The following S1PR5 variants were observed in gnomAD, a reference collection of about 807,000 sequenced individuals.
S1PR5 encodes the protein sphingosine-1-phosphate receptor 5.
For synonymous variants in S1PR5, 307 were observed against 284.7 expected (o/e 1.08, Z -0.79); for missense variants, 583 against 571.7 (o/e 1.02, Z -0.20).
In S1PR5 at chr19:10,513,844, T is replaced by A. The variant is rs777250449; in HGVS notation, c.1168A>T (p.Thr390Ser). The A allele has an allele frequency of 6.2e-7, 1 of 1,612,396 alleles. No individual in the cohort carries two copies. Among genetic ancestry groups the A allele is most frequent in the African/African-American group, 1.3e-5 (1 of 74,780 alleles). ...GSPGAPTAARTLVSEPAAD is the reference protein window; with the variant it reads ...GSPGAPTAARSLVSEPAAD ...TCTGCAGCCGGTTCTGATACCAGAGTCCGGGCGGCTGTGGGTGCACCGGGG... is the reference window on the plus strand; with the variant it reads ...TCTGCAGCCGGTTCTGATACCAGAGACCGGGCGGCTGTGGGTGCACCGGGG... Residue 390 changes from threonine to serine, a missense_variant, in exon 2 of 2, where the codon ACT becomes TCT. Physicochemically the swap from Thr to Ser is moderately conservative, Grantham distance 58 (BLOSUM62 1). Coordinates refer to ENST00000333430, the MANE Select transcript of S1PR5 (RefSeq NM_030760.5).
chr19:10,515,624 C>G (rs1915421082), intron 1 of S1PR5, among the ~76,000 whole-genome samples: 1 of 151,938 alleles, frequency 6.6e-6, no homozygotes, highest in Admixed American at 6.6e-5. Flanking sequence ...AAACACCCCC[C>G]CTCCCCACCA....
intron 1 of S1PR5, 149 bp from the exon 2 acceptor site, chr19:10,515,178 G>C (rs554014297): frequency 9.8e-7 from 1 of 1,018,440 alleles, no homozygotes; most frequent in African/African-American, 1.6e-5. Context: ...GAGGGATAGA[G>C]TCCGTGGAGA....
chr19:10,513,899 G>T lies in S1PR5; in HGVS notation c.1113C>A (p.Asp371Glu), dbSNP rs1414666740. ...CTGTGGAGCCGCTGGTGTCCAGCCCGTCGCGCTGGGGCGATGAGCGCTCCG... is the reference window on the plus strand; with the variant it reads ...CTGTGGAGCCGCTGGTGTCCAGCCCTTCGCGCTGGGGCGATGAGCGCTCCG... Reference protein sequence around the residue: ...SGSERSSPQRDGLDTSGSTGS... With the variant: ...SGSERSSPQREGLDTSGSTGS... The change falls in exon 2 of 2, where the codon GAC becomes GAA. Residue 371 changes from aspartate (D) to glutamate (E), a missense_variant. Asp to Glu is a conservative substitution (Grantham distance 45, BLOSUM62 2). Transcript: ENST00000333430. 7 of 1,610,150 alleles carry T rather than the reference G, an allele frequency of 4.3e-6. No individual in the cohort carries two copies. The highest frequency in any genetic ancestry group is 5.9e-6 in the Non-Finnish European group (7 of 1,179,194).
upstream of S1PR5, chr19:10,517,715 A>T (rs1377882534): frequency 2.0e-6 from 2 of 985,478 alleles, no homozygotes; most frequent in Non-Finnish European, 2.4e-6. Context: ...GAGGCGGGAA[A>T]GGGAGGGTTC....
chr19:10,514,145 A>T lies in S1PR5; in HGVS notation c.867T>A (p.Asp289Glu). 1 of 1,612,938 alleles carries T rather than the reference A, an allele frequency of 6.2e-7. No individual in the cohort carries two copies. The highest frequency in any genetic ancestry group is 8.5e-7 in the Non-Finnish European group (1 of 1,179,810). ...ARTCPVLLQA[D>E]PFLGLAMANS... ...TGGCCATGGCCAGTCCCAGGAAGGG[A>T]TCGGCCTGCAGGAGTACAGGACAGG... The change falls in exon 2 of 2, where the codon GAT (aspartate) becomes GAA (glutamate). Residue 289 changes from aspartate to glutamate, a missense_variant. Coordinates refer to ENST00000333430, the MANE Select transcript of S1PR5 (RefSeq NM_030760.5).
chr19:10,514,350 G>T lies in S1PR5; in HGVS notation c.662C>A (p.Ala221Asp). ...LYARIYCQVR[A>D]NARRLPARPG... ...CCGTGCCGGCAGGCGCCGCGCGTTGGCGCGTACCTGGCAGTAGATGCGCGC... is the reference window on the plus strand; with the variant it reads ...CCGTGCCGGCAGGCGCCGCGCGTTGTCGCGTACCTGGCAGTAGATGCGCGC... Residue 221 changes from alanine to aspartate, a missense_variant, in exon 2 of 2, where the codon GCC becomes GAC. By Grantham distance (126) the Ala-to-Asp change is moderately radical (BLOSUM62 -2). Transcript: ENST00000333430. 2.5e-6 allele frequency: 4 copies of T among 1,571,488 alleles called. No individual in the cohort carries two copies. The highest frequency in any genetic ancestry group is 3.4e-6 in the Non-Finnish European group (4 of 1,160,328).
At position 10,514,754 on chromosome 19, in the gene S1PR5, G is replaced by T. The variant is rs747852693; in HGVS notation, c.258C>A (p.Gly86=). 3 of 1,611,890 alleles carry T rather than the reference G, an allele frequency of 1.9e-6. No individual in the cohort carries two copies. Among genetic ancestry groups the T allele is most frequent in the East Asian group, 4.5e-5 (2 of 44,852 alleles). ...GTAGGATGTTGGCGGCGTAGGCGGCGCCTGCCAGCAGATCCGACAACGTGA... is the reference window on the plus strand; with the variant it reads ...GTAGGATGTTGGCGGCGTAGGCGGCTCCTGCCAGCAGATCCGACAACGTGA... The part of the protein sequence containing the change: ...GSLTLSDLLA[G]AAYAANILLS... The change falls in exon 2 of 2, where the codon GGC becomes GGA. Residue 86 remains glycine (G), a synonymous_variant. Coordinates refer to ENST00000333430, the MANE Select transcript of S1PR5 (RefSeq NM_030760.5).
In S1PR5 at chr19:10,514,730, T is replaced by A. The variant is rs1253777372; in HGVS notation, c.282A>T (p.Leu94=). The A allele has an allele frequency of 9.9e-6, 16 of 1,611,524 alleles. No individual in the cohort carries two copies. Among genetic ancestry groups the A allele is most frequent in the Non-Finnish European group, 1.4e-5 (16 of 1,179,344 alleles). ...LAGAAYAANI[L]LSGPLTLKLS... Reference sequence around the variant, plus strand: ...GTTTCAGCGTGAGCGGCCCCGACAGTAGGATGTTGGCGGCGTAGGCGGCGC... The same window carrying A: ...GTTTCAGCGTGAGCGGCCCCGACAGAAGGATGTTGGCGGCGTAGGCGGCGC... Residue 94 remains leucine, a synonymous_variant, in exon 2 of 2, where the codon CTA becomes CTT. Transcript: ENST00000333430.
rs1188776418 is a variant in S1PR5 at position 10,513,597 on chromosome 19, T to C, written c.*218A>G. On this transcript the variant is annotated 3_prime_UTR_variant, in exon 2 of 2. Coordinates refer to ENST00000333430, the MANE Select transcript of S1PR5 (RefSeq NM_030760.5). ...TTTGTCACTGGAATCATCTCCATTA[T>C]TTCATCACCGAGTTCTTTTCTGTGT... 6.3e-6 allele frequency: 4 copies of C among 635,268 alleles called. No individual in the cohort carries two copies. Among genetic ancestry groups the C allele is most frequent in the Non-Finnish European group, 1.1e-5 (4 of 378,480 alleles). 39.4% of individuals were successfully genotyped at this position (635,268 alleles called of 1,614,324 possible). A position where few individuals can be genotyped will look rare whatever the true frequency, so the allele number is the denominator to read the frequency against.
chr19:10,515,383 G>A (rs1915413523), intron 1 of S1PR5, among the ~76,000 whole-genome samples: 2 of 152,074 alleles, frequency 1.3e-5, no homozygotes, highest in African/African-American at 4.8e-5. Context: ...AGGCCAAGGG[G>A]GGCAGATCAC....
Position 10,514,724 on chromosome 19 carries a change from C to G in S1PR5, c.288G>C (p.Ser96=), listed in dbSNP as rs942918738. 4.3e-6 allele frequency: 7 copies of G among 1,611,334 alleles called. No individual in the cohort carries two copies. Among genetic ancestry groups the G allele is most frequent in the Non-Finnish European group, 5.9e-6 (7 of 1,179,304 alleles). ...GGGACAGTTTCAGCGTGAGCGGCCC[C>G]GACAGTAGGATGTTGGCGGCGTAGG... The part of the protein sequence containing the change: ...GAAYAANILL[S]GPLTLKLSPA... Residue 96 remains serine (S), a synonymous_variant, in exon 2 of 2, where the codon TCG becomes TCC. Coordinates refer to ENST00000333430, the MANE Select transcript of S1PR5 (RefSeq NM_030760.5).
intron 1 of S1PR5, among the ~76,000 whole-genome samples, chr19:10,516,539 C>G (rs1357421704): frequency 6.8e-6 from 1 of 147,352 alleles, no homozygotes; most frequent in African/African-American, 2.5e-5. Flanking sequence ...CCTGGGAGGC[C>G]GAGGCTGCAG....
At chr19:10,515,067 C>T in intron 1 of S1PR5, 38 bp from the exon 2 acceptor site, 1 of 1,505,760 alleles carries the variant, frequency 6.6e-7, no homozygotes, top group Non-Finnish European at 8.8e-7. Flanking sequence ...GGCCGCGGTC[C>T]CCGTAAGCAC....
At chr19:10,517,812 T>C, upstream of S1PR5, 1 of 501,392 alleles carries the variant, frequency 2.0e-6, no homozygotes, top group South Asian at 8.5e-5. Flanking sequence ...CGCCCTCCCA[T>C]TGCCCACCCA....
At chr19:10,517,816 C>T (rs1416403685), upstream of S1PR5, 1 of 487,212 alleles carries the variant, frequency 2.1e-6, no homozygotes. Flanking sequence ...CTCCCATTGC[C>T]CACCCACCTG....
In S1PR5 at chr19:10,515,062, C is replaced by T. The variant is rs753535049; in HGVS notation, c.-18-33G>A. On this transcript the variant is annotated intron_variant, in intron 1 of 1. Coordinates refer to ENST00000333430, the MANE Select transcript of S1PR5 (RefSeq NM_030760.5). ...AGAGGCAAGATACGGTGTCAGGCCG[C>T]GGTCCCCGTAAGCACGCTCGCAGCA... The T allele has an allele frequency of 7.3e-6, 11 of 1,509,904 alleles. No individual in the cohort carries two copies. The Admixed American group carries it at 1.9e-4, about 26-fold the overall frequency. 93.5% of individuals were successfully genotyped at this position (1,509,904 alleles called of 1,614,324 possible).
At chr19:10,516,442 C>T (rs993232165) in intron 1 of S1PR5, among the ~76,000 whole-genome samples, 19 of 151,592 alleles carry the variant, frequency 1.3e-4, no homozygotes, top group African/African-American at 4.6e-4. Context: ...TTCATCTCTA[C>T]AAAAAAATTT....
At chr19:10,515,792 A>G (rs1915425980) in intron 1 of S1PR5, among the ~76,000 whole-genome samples, 1 of 152,008 alleles carries the variant, frequency 6.6e-6, no homozygotes, top group Admixed American at 6.6e-5. Context: ...GTGTTGGTGT[A>G]TGCCTATAGT....
chr19:10,515,433 A>T (rs1568407112), intron 1 of S1PR5, among the ~76,000 whole-genome samples: 2 of 151,688 alleles, frequency 1.3e-5, no homozygotes, highest in African/African-American at 4.8e-5. Flanking sequence ...AACACGGTGA[A>T]CCCCTCCGTC....
Sources: allele counts gnomAD v4.1 joint callset (sites outside exome capture counted in the v4.1 genomes callset), GRCh38; gene constraint gnomAD v4.1.1; transcripts MANE v1.5; gene names NCBI Gene and HGNC (gene_info 2026-07-23, HGNC 2026-07-21).